The following DLC1 variants were observed in gnomAD, a reference collection of about 807,000 sequenced individuals.
The protein encoded by DLC1 is DLC1 Rho GTPase activating protein.
In DLC1, 54 loss-of-function variants were observed where a neutral mutation model predicts 140.3. That is an observed-to-expected ratio of 0.38 (90% CI 0.31 to 0.48). DLC1 has a LOEUF of 0.48. Among genes scored for constraint, DLC1 ranks in the 20% least tolerant of loss-of-function variants. DLC1 has a pLI of 0.96. For synonymous variants in DLC1, 986 were observed against 728.1 expected, an observed-to-expected ratio of 1.35 and a Z score of -5.70; for missense variants, 2,536 against 1,907.0, an observed-to-expected ratio of 1.33 and a Z score of -6.14.
chr8:13,403,174 C>G (rs1033240993), intron 2 of DLC1, among the ~76,000 whole-genome samples: 1 of 152,202 alleles, frequency 6.6e-6, no homozygotes, highest in East Asian at 1.9e-4. Context: ...TTACTTCAGT[C>G]TCCTCCTATT....
chr8:13,407,746 A>T (rs1168037245), intron 2 of DLC1, among the ~76,000 whole-genome samples: 2 of 152,232 alleles, frequency 1.3e-5, no homozygotes, highest in Non-Finnish European at 2.9e-5. Flanking sequence ...GCTGTCTTCA[A>T]TTCCATATGT....
chr8:13,210,545 T>C (rs576111857), intron 5 of DLC1, among the ~76,000 whole-genome samples: 1 of 152,368 alleles, frequency 6.6e-6, no homozygotes, highest in East Asian at 1.9e-4. Context: ...TGCTCTTCTA[T>C]AGAGGTCTAT....
chr8:13,166,685 C>G (rs1020105092), intron 5 of DLC1, among the ~76,000 whole-genome samples: 1 of 152,138 alleles, frequency 6.6e-6, no homozygotes, highest in African/African-American at 2.4e-5. Context: ...TCAAACTTAC[C>G]TAAATGGATC....
intron 4 of DLC1, among the ~76,000 whole-genome samples, chr8:13,333,246 G>C (rs1241494483): frequency 6.6e-6 from 1 of 151,984 alleles, no homozygotes; most frequent in Non-Finnish European, 1.5e-5. Context: ...TTTTCTTAGA[G>C]ACAGGGTCTT....
At chr8:13,105,382 G>C (rs1477375651) in intron 7 of DLC1, among the ~76,000 whole-genome samples, 1 of 152,042 alleles carries the variant, frequency 6.6e-6, no homozygotes, top group Non-Finnish European at 1.5e-5. Flanking sequence ...CTACACAAAC[G>C]AGGCCTACTG....
chr8:13,599,992 G>A (rs1015266901), intron 1 of DLC1, among the ~76,000 whole-genome samples: 16 of 151,868 alleles, frequency 1.1e-4, no homozygotes, highest in African/African-American at 3.9e-4. Context: ...TATCAAATGA[G>A]CCTTGCCTGA....
At chr8:13,197,367 A>T (rs1182326064) in intron 5 of DLC1, among the ~76,000 whole-genome samples, 1 of 151,394 alleles carries the variant, frequency 6.6e-6, no homozygotes, top group Non-Finnish European at 1.5e-5. Flanking sequence ...ATTTTTTTTG[A>T]GATGGGAGTC....
chr8:13,570,249 G>A (rs1804599158), intron 1 of DLC1, among the ~76,000 whole-genome samples: 1 of 149,990 alleles, frequency 6.7e-6, no homozygotes, highest in Non-Finnish European at 1.5e-5. Flanking sequence ...GCTCTTTTGT[G>A]TCACTATGGT....
intron 4 of DLC1, among the ~76,000 whole-genome samples, chr8:13,383,886 A>C (rs1836387001): frequency 2.0e-5 from 3 of 152,198 alleles, no homozygotes; most frequent in African/African-American, 7.2e-5. Flanking sequence ...TCCAGCAGAC[A>C]ACTGACTGCA....
chr8:13,105,334 C>T (rs1314026473), intron 7 of DLC1, among the ~76,000 whole-genome samples: 1 of 152,122 alleles, frequency 6.6e-6, no homozygotes, highest in African/African-American at 2.4e-5. Flanking sequence ...ACCTTATTTC[C>T]TTACAGAGAC....
In DLC1 at chr8:13,262,763, T is replaced by C. The variant is rs1200165146; in HGVS notation, c.1348+42506A>G. Reference sequence around the variant, plus strand: ...TTTTTAAGATAACATTCAAACATAATGAAGTGTATTGCTCCTAACTTACCA... The same window carrying C: ...TTTTTAAGATAACATTCAAACATAACGAAGTGTATTGCTCCTAACTTACCA... On this transcript the variant is annotated intron_variant, in intron 5 of 17. Transcript: ENST00000276297. Among the ~76,000 whole-genome samples, 3 of 152,268 alleles carry C rather than the reference T, an allele frequency of 2.0e-5. 1 individual carries two copies. In the East Asian group the frequency reaches 5.8e-4, roughly 29 times the overall value.
chr8:13,172,718 G>T (rs1482797406), intron 5 of DLC1, among the ~76,000 whole-genome samples: 1 of 152,200 alleles, frequency 6.6e-6, no homozygotes, highest in Non-Finnish European at 1.5e-5. Context: ...TTCAGTATCA[G>T]AAAATGGAAG....
intron 5 of DLC1, chr8:13,133,249 C>T (rs1329859973): frequency 7.3e-7 from 1 of 1,367,244 alleles, no homozygotes. Context: ...CATGTCCTGG[C>T]TGGGAGCGAA....
intron 5 of DLC1, among the ~76,000 whole-genome samples, chr8:13,142,482 C>T (rs1376039361): frequency 2.0e-5 from 3 of 152,130 alleles, no homozygotes; most frequent in African/African-American, 7.2e-5. Context: ...TAACCGAGTT[C>T]TCCAGATATC....
intron 2 of DLC1, among the ~76,000 whole-genome samples, chr8:13,445,183 T>C (rs1338182255): frequency 6.6e-6 from 1 of 152,054 alleles, no homozygotes; most frequent in Non-Finnish European, 1.5e-5. Context: ...TTTATGGTTT[T>C]ATGGTTGGAT....
intron 8 of DLC1, 176 bp from the exon 9 acceptor site, chr8:13,100,946 G>C (rs544012722): frequency 1.6e-4 from 106 of 652,788 alleles, no homozygotes; most frequent in Non-Finnish European, 2.2e-4. Context: ...TCACTCTGTT[G>C]TACAGGCTGT....
intron 2 of DLC1, among the ~76,000 whole-genome samples, chr8:13,498,258 G>A (rs2117195708): frequency 6.6e-6 from 1 of 152,296 alleles, no homozygotes; most frequent in African/African-American, 2.4e-5. Context: ...TTGGAAAAAT[G>A]TGGGGAAATT....
At chr8:13,353,304 C>T (rs972401955) in intron 4 of DLC1, 1 of 152,090 alleles carries the variant, frequency 6.6e-6, no homozygotes, top group South Asian at 2.1e-4. Context: ...ACATATGTGG[C>T]ATTTCCTCTG....
intron 1 of DLC1, among the ~76,000 whole-genome samples, chr8:13,577,426 C>A (rs1261901665): frequency 1.3e-5 from 2 of 152,032 alleles, no homozygotes; most frequent in Non-Finnish European, 2.9e-5. Context: ...GTATTTTTTG[C>A]AGTGGTTATG....
Sources: allele counts gnomAD v4.1 joint callset (sites outside exome capture counted in the v4.1 genomes callset), GRCh38; gene constraint gnomAD v4.1.1; transcripts MANE v1.5; gene names NCBI Gene and HGNC (gene_info 2026-07-23, HGNC 2026-07-21).